The following SEPTIN9 variants were observed in gnomAD, a reference collection of about 807,000 sequenced individuals.
SEPTIN9 encodes the protein septin-9.
In SEPTIN9, 13 loss-of-function variants were observed where a neutral mutation model predicts 56.6. The observed-to-expected ratio is 0.23, with a 90% CI of 0.15 to 0.37. SEPTIN9 has a LOEUF of 0.37. Among genes scored for constraint, SEPTIN9 ranks in the 10% least tolerant of loss-of-function variants. The pLI is 1.00. For synonymous variants in SEPTIN9, 332 were observed against 334.1 expected, an observed-to-expected ratio of 0.99 and a Z score of 0.07; for missense variants, 650 against 823.1, an observed-to-expected ratio of 0.79 and a Z score of 2.57.
chr17:77,358,447 C>T (rs533749374), intron 2 of SEPTIN9, among the ~76,000 whole-genome samples: 1 of 152,150 alleles, frequency 6.6e-6, no homozygotes, highest in East Asian at 1.9e-4. Flanking sequence ...ATGGTAAAAC[C>T]CCATCTCTAC....
Position 77,500,487 on chromosome 17 carries a change from T to C in SEPTIN9, c.*1829T>C, listed in dbSNP as rs1042293848. 1 of 218,152 alleles carries C rather than the reference T, an allele frequency of 4.6e-6. No homozygotes were observed. 13.5% of individuals were successfully genotyped at this position (218,152 alleles called of 1,614,324 possible). The stretch of plus-strand genomic sequence containing the variant: ...TGTTCGTTTCATCAGGCTCTGTTCC[T>C]CAATGGCCTTTTGCTACGTGCCTCC... On this transcript the variant is annotated 3_prime_UTR_variant, in exon 12 of 12. Coordinates refer to ENST00000427177, the MANE Select transcript of SEPTIN9 (RefSeq NM_001113491.2).
chr17:77,408,471 C>T (rs1042813617), intron 3 of SEPTIN9, among the ~76,000 whole-genome samples: 2 of 152,148 alleles, frequency 1.3e-5, no homozygotes, highest in African/African-American at 4.8e-5. Flanking sequence ...TGATGGTGGG[C>T]GTGGCTCTTC....
At chr17:77,284,920 G>T (rs1004376598) in intron 1 of SEPTIN9, among the ~76,000 whole-genome samples, 1 of 152,164 alleles carries the variant, frequency 6.6e-6, no homozygotes, top group Non-Finnish European at 1.5e-5. Flanking sequence ...GAGCCACCAC[G>T]CCCAGCCTGC....
At chr17:77,370,084 T>C in intron 2 of SEPTIN9, among the ~76,000 whole-genome samples, 1 of 152,362 alleles carries the variant, frequency 6.6e-6, no homozygotes, top group East Asian at 1.9e-4. Context: ...CTTTGCTGTA[T>C]GAAGCTTTGA....
chr17:77,477,914 C>A (rs1259507139), intron 3 of SEPTIN9, among the ~76,000 whole-genome samples: 1 of 152,168 alleles, frequency 6.6e-6, no homozygotes, highest in Non-Finnish European at 1.5e-5. Context: ...GGGACCCAGA[C>A]AGATCCTTGC....
At chr17:77,459,423 C>A (rs1292795855) in intron 3 of SEPTIN9, among the ~76,000 whole-genome samples, 1 of 152,214 alleles carries the variant, frequency 6.6e-6, no homozygotes, top group East Asian at 1.9e-4. Context: ...GTGGTTAAGA[C>A]CCGGGCCCGG....
intron 3 of SEPTIN9, among the ~76,000 whole-genome samples, chr17:77,439,961 G>A (rs1056163609): frequency 8.5e-5 from 13 of 152,090 alleles, no homozygotes; most frequent in Admixed American, 6.5e-5. Flanking sequence ...TTGGCTCTAA[G>A]ATCTGAGCAG....
At position 77,437,576 on chromosome 17, in the gene SEPTIN9, T is replaced by C. The variant is rs771735294; in HGVS notation, c.721+34873T>C. Among the ~76,000 whole-genome samples, 3 of 151,966 alleles carry C rather than the reference T, an allele frequency of 2.0e-5. No individual in the cohort carries two copies. Among genetic ancestry groups the C allele is most frequent in the Non-Finnish European group, 2.9e-5 (2 of 67,976 alleles). On this transcript the variant is annotated intron_variant, in intron 3 of 11. Coordinates refer to ENST00000427177, the MANE Select transcript of SEPTIN9 (RefSeq NM_001113491.2). This position sits in a 1 kb window ranked among gnomAD's most constrained non-coding sequence, Gnocchi z 5.3. ...GCCCCTCAGGGACCAGGTGAGGGCT[T>C]GTCGACTGCTCTGACCTCCTGATGC... is the stretch of plus-strand genomic sequence containing the variant.
chr17:77,463,435 A>G (rs993911826), intron 3 of SEPTIN9, among the ~76,000 whole-genome samples: 2 of 152,150 alleles, frequency 1.3e-5, no homozygotes, highest in African/African-American at 4.8e-5. Context: ...GCCGGGAAGT[A>G]TCTTGCTTTT....
intron 3 of SEPTIN9, among the ~76,000 whole-genome samples, chr17:77,443,918 C>T (rs1374021456): frequency 6.6e-6 from 1 of 152,158 alleles, no homozygotes; most frequent in Non-Finnish European, 1.5e-5. Flanking sequence ...ATGGGCCCTC[C>T]TGCTACAGAG....
At chr17:77,480,720 G>A (rs938612061) in intron 3 of SEPTIN9, among the ~76,000 whole-genome samples, 4 of 152,246 alleles carry the variant, frequency 2.6e-5, no homozygotes, top group Admixed American at 1.3e-4. Context: ...CCAGGGAAAA[G>A]CCACTCCCCT....
chr17:77,348,132 G>A (rs928661521), intron 2 of SEPTIN9, among the ~76,000 whole-genome samples: 1 of 151,890 alleles, frequency 6.6e-6, no homozygotes, highest in Non-Finnish European at 1.5e-5. Context: ...GACAGCCTCC[G>A]CCTTTTAATT....
chr17:77,451,268 G>C lies in SEPTIN9; in HGVS notation c.722-30876G>C. On this transcript the variant is annotated intron_variant, in intron 3 of 11. Coordinates refer to ENST00000427177, the MANE Select transcript of SEPTIN9 (RefSeq NM_001113491.2). This position sits in a 1 kb window ranked among gnomAD's most constrained non-coding sequence, Gnocchi z 4.2. The stretch of plus-strand genomic sequence containing the variant: ...CGTGCCTTCAGGTTGCTTCTGCGCC[G>C]GGCCTGCCGCTGGGCGCCCCTATCT... 4.4e-6 allele frequency: 3 copies of C among 688,320 alleles called. No individual in the cohort carries two copies. Among genetic ancestry groups the C allele is most frequent in the East Asian group, 1.3e-4 (1 of 7,528 alleles). The allele number at this position is 688,320 out of a possible 1,614,324, so 42.6% of individuals were successfully genotyped here.
chr17:77,309,365 TCC>T (rs1020069360), intron 2 of SEPTIN9, among the ~76,000 whole-genome samples: 4 of 152,102 alleles, frequency 2.6e-5, no homozygotes, highest in Non-Finnish European at 5.9e-5. Flanking sequence ...ACACACGGGG[TCC>T]TCCCTCTGTG....
Position 77,450,466 on chromosome 17 carries a change from A to G in SEPTIN9, c.722-31678A>G. 1.0e-6 allele frequency: 1 copy of G among 985,222 alleles called. No individual in the cohort carries two copies. Among genetic ancestry groups the G allele is most frequent in the Non-Finnish European group, 1.2e-6 (1 of 829,776 alleles). 61.0% of individuals were successfully genotyped at this position (985,222 alleles called of 1,614,324 possible). ...TCCCAGCCCCCAGCAAGCCCTCGGAACGAGCCCACTCCCAGGCGCTCTCTC... is the reference window on the plus strand; with the variant it reads ...TCCCAGCCCCCAGCAAGCCCTCGGAGCGAGCCCACTCCCAGGCGCTCTCTC... On this transcript the variant is annotated intron_variant, in intron 3 of 11. Transcript: ENST00000427177. The surrounding 1 kb of genome is among the most constrained non-coding windows in gnomAD (Gnocchi z 6.0).
intron 3 of SEPTIN9, among the ~76,000 whole-genome samples, chr17:77,448,600 G>C (rs1032299656): frequency 6.6e-6 from 1 of 152,138 alleles, no homozygotes; most frequent in South Asian, 2.1e-4. Flanking sequence ...GAGAGGTGCC[G>C]TGTGTGTGAA....
intron 10 of SEPTIN9, 79 bp from the exon 11 acceptor site, chr17:77,497,236 C>T (rs2040307692): frequency 1.4e-6 from 2 of 1,435,284 alleles, no homozygotes; most frequent in African/African-American, 1.4e-5. Context: ...ACCAGCATTT[C>T]TGGGCAGGGG....
At position 77,327,121 on chromosome 17, in the gene SEPTIN9, A is replaced by G. The variant is rs1288074774; in HGVS notation, c.76+19924A>G. 1.3e-5 allele frequency among the ~76,000 whole-genome samples: 2 copies of G among 151,728 alleles called. No individual in the cohort carries two copies. The highest frequency in any genetic ancestry group is 2.4e-5 in the African/African-American group (1 of 41,304). ...ATAGCTGCTGTAGCAAGTTAATCCTACCAGCACTGGCTCTCATCTGCCGAC... is the reference window on the plus strand; with the variant it reads ...ATAGCTGCTGTAGCAAGTTAATCCTGCCAGCACTGGCTCTCATCTGCCGAC... On this transcript the variant is annotated intron_variant, in intron 2 of 11. Transcript: ENST00000427177. This position sits in a 1 kb window ranked among gnomAD's most constrained non-coding sequence, Gnocchi z 5.0.
chr17:77,306,537 G>T (rs555046455), intron 1 of SEPTIN9, among the ~76,000 whole-genome samples: 25 of 152,368 alleles, frequency 1.6e-4, no homozygotes, highest in Admixed American at 7.2e-4. Context: ...GCCGCGGGAG[G>T]CTGCATTAAT....
Sources: gnomAD v4.1 joint callset for allele counts (sites outside exome capture counted in the v4.1 genomes callset) on GRCh38, gnomAD v4.1.1 for gene constraint, Gnocchi (gnomAD v3.1) non-coding constraint, MANE v1.5 for transcripts, NCBI Gene and HGNC (gene_info 2026-07-23, HGNC 2026-07-21) for gene names.